SHISA9: variants seen among roughly 807,000 people sequenced by gnomAD.
SHISA9 encodes protein shisa-9.
In SHISA9, 13 loss-of-function variants were observed where a neutral mutation model predicts 38.0. That is an observed-to-expected ratio of 0.34 (90% CI 0.22 to 0.54). The LOEUF is 0.54. SHISA9 is among the 20% of genes least tolerant of loss of function. The probability of loss-of-function intolerance (pLI) is 0.91; values close to 1 mark genes in which losing one functional copy is unlikely to be tolerated. For synonymous variants in SHISA9, 275 were observed against 242.0 expected (o/e 1.14, Z -1.27); for missense variants, 538 against 575.8 (o/e 0.93, Z 0.67).
the SHISA9 span, among the ~76,000 whole-genome samples, chr16:13,377,212 G>C: frequency 2.0e-5 from 3 of 152,288 alleles, no homozygotes; most frequent in Non-Finnish European, 4.4e-5. Context: ...CACAATAGCA[G>C]CCTTAGGGGC....
chr16:13,021,735 C>A (rs975886625), intron 2 of SHISA9, among the ~76,000 whole-genome samples: 8 of 152,152 alleles, frequency 5.3e-5, no homozygotes, highest in Non-Finnish European at 1.2e-4. Context: ...GTCCCCTTTT[C>A]TGAGTTTCTA....
At chr16:12,977,771 A>G (rs1370590735) in intron 2 of SHISA9, among the ~76,000 whole-genome samples, 1 of 152,056 alleles carries the variant, frequency 6.6e-6, no homozygotes, top group Non-Finnish European at 1.5e-5. Flanking sequence ...GAACAATGAG[A>G]ACACATGGAC....
chr16:13,360,611 CAATT>C, the SHISA9 span, among the ~76,000 whole-genome samples: 2,918 of 152,284 alleles, frequency 0.019, 86 homozygotes, highest in African/African-American at 0.064. Context: ...AATTGTCAGT[CAATT>C]AAACCTCTTT....
At chr16:13,304,184 A>G in the SHISA9 span, among the ~76,000 whole-genome samples, 1 of 152,082 alleles carries the variant, frequency 6.6e-6, no homozygotes, top group Non-Finnish European at 1.5e-5. Context: ...ATTCTCCTCT[A>G]TGGTTTTTCA....
the SHISA9 span, among the ~76,000 whole-genome samples, chr16:13,367,708 G>GCACACACACACA: frequency 8.6e-6 from 1 of 116,632 alleles, no homozygotes; most frequent in Non-Finnish European, 1.7e-5. Context: ...GCGCGCGCGC[G>GCACACACACACA]CGCGCACACA....
the SHISA9 span, among the ~76,000 whole-genome samples, chr16:13,398,466 C>T: frequency 6.7e-6 from 1 of 150,306 alleles, no homozygotes; most frequent in Admixed American, 6.6e-5. Flanking sequence ...TGATCTCATG[C>T]TTCACAAGGG....
At chr16:13,286,640 C>A in the SHISA9 span, among the ~76,000 whole-genome samples, 3 of 152,108 alleles carry the variant, frequency 2.0e-5, no homozygotes, top group Admixed American at 1.3e-4. Flanking sequence ...TATCGGAGAG[C>A]TTTGATGTGT....
At chr16:13,180,993 C>T (rs1028532709) in intron 2 of SHISA9, among the ~76,000 whole-genome samples, 1 of 151,810 alleles carries the variant, frequency 6.6e-6, no homozygotes, top group Admixed American at 6.6e-5. Context: ...GAGCAGTTAC[C>T]ATGGGCTAGA....
the SHISA9 span, among the ~76,000 whole-genome samples, chr16:13,381,565 A>G: frequency 6.6e-6 from 1 of 152,228 alleles, no homozygotes; most frequent in Non-Finnish European, 1.5e-5. Context: ...TCATTTAACT[A>G]TATTTGAGAT....
At chr16:13,287,897 G>A in the SHISA9 span, among the ~76,000 whole-genome samples, 6 of 152,164 alleles carry the variant, frequency 3.9e-5, no homozygotes, top group East Asian at 9.6e-4. Context: ...TCACCTGAGA[G>A]TAAGGGAGAA....
intron 2 of SHISA9, among the ~76,000 whole-genome samples, chr16:13,112,353 G>A (rs568744171): frequency 6.6e-6 from 1 of 152,098 alleles, no homozygotes; most frequent in South Asian, 2.1e-4. Context: ...AAGAAAGATG[G>A]GAAGTGAAGA....
At chr16:13,216,163 G>T (rs2051165973) in intron 4 of SHISA9, among the ~76,000 whole-genome samples, 1 of 143,568 alleles carries the variant, frequency 7.0e-6, no homozygotes, top group South Asian at 2.2e-4. Flanking sequence ...CTCCACCCTG[G>T]GCGGCAGAGC....
intron 2 of SHISA9, among the ~76,000 whole-genome samples, chr16:13,022,102 C>A (rs1039490918): frequency 6.6e-6 from 1 of 152,126 alleles, no homozygotes; most frequent in African/African-American, 2.4e-5. Context: ...GCCTCTGTCT[C>A]CACATGGCCT....
the SHISA9 span, among the ~76,000 whole-genome samples, chr16:13,533,589 G>C: frequency 2.0e-5 from 3 of 150,528 alleles, no homozygotes; most frequent in East Asian, 5.9e-4. Context: ...ACAAGCCTCT[G>C]TGGGGACTAA....
intron 2 of SHISA9, among the ~76,000 whole-genome samples, chr16:13,095,376 T>C (rs1182727305): frequency 6.6e-6 from 1 of 152,234 alleles, no homozygotes; most frequent in African/African-American, 2.4e-5. Flanking sequence ...CTGCAGAGGT[T>C]GCACATCTTA....
rs146508834 is a variant in SHISA9, at chr16:12,993,557, A to T, written c.691+76742A>T. Among the ~76,000 whole-genome samples the T allele has an allele frequency of 2.6e-4, 40 of 152,322 alleles. No individual in the cohort carries two copies. The East Asian group carries it at 7.7e-3, about 29-fold the overall frequency. ...TAAAAGATAGCTTGGCATTTGTTCA[A>T]CAACCAATTACTGAGCATCTACCAT... On this transcript the variant is annotated intron_variant, in intron 2 of 4. Transcript: ENST00000558583.
At chr16:13,293,864 T>A in the SHISA9 span, among the ~76,000 whole-genome samples, 2 of 152,178 alleles carry the variant, frequency 1.3e-5, no homozygotes, top group Non-Finnish European at 2.9e-5. Context: ...ATGGCAAAAA[T>A]TATGAGAGAA....
chr16:13,299,121 A>T, the SHISA9 span, among the ~76,000 whole-genome samples: 1 of 152,358 alleles, frequency 6.6e-6, no homozygotes, highest in East Asian at 1.9e-4. Context: ...CAGCTTAGAT[A>T]TCCCTCTCCA....
At chr16:12,962,777 A>G (rs2071927935) in intron 2 of SHISA9, among the ~76,000 whole-genome samples, 1 of 152,202 alleles carries the variant, frequency 6.6e-6, no homozygotes, top group Admixed American at 6.5e-5. Context: ...GACAGCATAC[A>G]TTTCCCCTCG....
Sources: gnomAD v4.1 joint callset for allele counts (sites outside exome capture counted in the v4.1 genomes callset) on GRCh38, gnomAD v4.1.1 for gene constraint, MANE v1.5 for transcripts, NCBI Gene and HGNC (gene_info 2026-07-23, HGNC 2026-07-21) for gene names.